The following TMEM181 variants were observed in gnomAD, a reference collection of about 807,000 sequenced individuals.
The protein encoded by TMEM181 is G protein-coupled receptor 178.
A neutral mutation model predicts 71.9 loss-of-function variants in TMEM181; 39 were observed. The observed-to-expected ratio is 0.54, with a 90% CI of 0.42 to 0.71. The LOEUF (loss-of-function observed/expected upper bound fraction) is 0.71, where lower values mean the gene tolerates loss of function less well. Ranked by LOEUF, TMEM181 falls within the 30% of genes least tolerant of loss-of-function variation. The pLI is 0.00. For missense variants in TMEM181, 595 were observed against 583.0 expected, an observed-to-expected ratio of 1.02 and a Z score of -0.21; for synonymous variants, 245 against 228.8, an observed-to-expected ratio of 1.07 and a Z score of -0.64.
At position 158,561,750 on chromosome 6, in the gene TMEM181, C is replaced by T. The variant is rs556691516; in HGVS notation, c.8+1518C>T. On this transcript the variant is annotated intron_variant, in intron 1 of 16. Coordinates refer to ENST00000684151, the MANE Select transcript of TMEM181 (RefSeq NM_001376852.1). ...ATTTTGTGCGAGTTTGAGGCCTCCC[C>T]CTGCAGCTGTAAGCGCTTTGTGCCT... Among the ~76,000 whole-genome samples, 3 of 152,276 alleles carry T rather than the reference C, an allele frequency of 2.0e-5. No individual in the cohort carries two copies. The South Asian group carries it at 6.2e-4, about 32-fold the overall frequency.
chr6:158,569,870 C>T (rs949396334), intron 1 of TMEM181, among the ~76,000 whole-genome samples: 1 of 152,050 alleles, frequency 6.6e-6, no homozygotes, highest in African/African-American at 2.4e-5. Flanking sequence ...CATGCCCTTT[C>T]TGGGATTGCA....
chr6:158,607,246 C>G lies in TMEM181; in HGVS notation c.576C>G (p.Cys192Trp), dbSNP rs1785003942. Residue 192 changes from cysteine (C) to tryptophan (W), a missense_variant and splice_region_variant, in exon 8 of 17, where the codon TGC (cysteine) becomes TGG (tryptophan). Coordinates refer to ENST00000684151, the MANE Select transcript of TMEM181 (RefSeq NM_001376852.1). The stretch of plus-strand genomic sequence containing the variant: ...TGGAGGCCTGATTTGGTTTGCAGTG[C>G]CTGTTTGCGCATTCCCTCCGGAAAT... ...FFVVLTFIVT[C>W]LFAHSLRKFS... 5 of 1,613,874 alleles carry G rather than the reference C, an allele frequency of 3.1e-6. No individual in the cohort carries two copies. Among genetic ancestry groups the G allele is most frequent in the Non-Finnish European group, 3.4e-6 (4 of 1,179,806 alleles).
At chr6:158,569,323 G>A (rs1392230379) in intron 1 of TMEM181, among the ~76,000 whole-genome samples, 2 of 152,224 alleles carry the variant, frequency 1.3e-5, no homozygotes, top group African/African-American at 4.8e-5. Flanking sequence ...AATGAAGACA[G>A]CGGAAGCCAG....
chr6:158,619,208 C>A (rs1785803663), intron 10 of TMEM181, among the ~76,000 whole-genome samples: 1 of 152,140 alleles, frequency 6.6e-6, no homozygotes, highest in African/African-American at 2.4e-5. Flanking sequence ...ACTCTTTTTT[C>A]TCTGAACTTC....
chr6:158,560,105 C>T lies in TMEM181; in HGVS notation c.-120C>T, dbSNP rs1782067070. 1.0e-6 allele frequency: 1 copy of T among 985,022 alleles called. No individual in the cohort carries two copies. The highest frequency in any genetic ancestry group is 1.2e-6 in the Non-Finnish European group (1 of 829,782). 61.0% of individuals were successfully genotyped at this position (985,022 alleles called of 1,614,324 possible). The stretch of plus-strand genomic sequence containing the variant: ...CGCGCTCTGATGAGTTTTCCGCGGC[C>T]GGCCGCTGCTCAGCCGCTGTCGCTC... On this transcript the variant is annotated 5_prime_UTR_variant, in exon 1 of 17. Coordinates refer to ENST00000684151, the MANE Select transcript of TMEM181 (RefSeq NM_001376852.1).
Position 158,635,330 on chromosome 6 carries a change from A to G in TMEM181, c.*3442A>G, listed in dbSNP as rs1786898328. On this transcript the variant is annotated 3_prime_UTR_variant, in exon 17 of 17. Coordinates refer to ENST00000684151, the MANE Select transcript of TMEM181 (RefSeq NM_001376852.1). ...ACCCCATCACAGTGTTGCTGTCATC[A>G]GGCAAAAGTGAATGTTTGTTTATGG... The G allele has an allele frequency of 6.6e-6, 1 of 152,248 alleles. No individual in the cohort carries two copies. 9.4% of individuals were successfully genotyped at this position (152,248 alleles called of 1,614,324 possible). A position where few individuals can be genotyped will look rare whatever the true frequency, so the allele number is the denominator to read the frequency against.
At chr6:158,545,299 G>A (rs912931832) in intron 1 of TMEM181, among the ~76,000 whole-genome samples, 1 of 152,254 alleles carries the variant, frequency 6.6e-6, no homozygotes, top group Non-Finnish European at 1.5e-5. Flanking sequence ...GGATTTATTT[G>A]CGACCCTGGG....
chr6:158,610,321 T>C, intron 10 of TMEM181: 2 of 292,558 alleles, frequency 6.8e-6, no homozygotes, highest in Non-Finnish European at 1.4e-5. Flanking sequence ...CCAGACCAGA[T>C]TCTCTTTCAA....
rs780073607 is a variant in TMEM181 at position 158,584,015 on chromosome 6, CAT to C, written c.231_232del (p.Val79CysfsTer2). ...ACATACAATCAGCAACTATGGCTGACATGTGTTGTTGAGTTGGATCAATCAAA... is the reference window on the plus strand; with the variant it reads ...ACATACAATCAGCAACTATGGCTGACGTGTTGTTGAGTTGGATCAATCAAA... On this transcript the variant is annotated frameshift_variant, in exon 4 of 17. Transcript: ENST00000684151. LOFTEE classifies it high-confidence loss of function. 1.4e-5 allele frequency: 23 copies of C among 1,611,890 alleles called. No homozygotes were observed. Among genetic ancestry groups the C allele is most frequent in the Middle Eastern group, 1.6e-4 (1 of 6,070 alleles).
At chr6:158,548,687 G>C (rs1426618519) in intron 1 of TMEM181, among the ~76,000 whole-genome samples, 2 of 152,190 alleles carry the variant, frequency 1.3e-5, no homozygotes, top group East Asian at 3.8e-4. Context: ...AGCAAGCCCA[G>C]GGCAGTCATT....
At chr6:158,575,519 T>C (rs982074181) in intron 2 of TMEM181, among the ~76,000 whole-genome samples, 5 of 152,324 alleles carry the variant, frequency 3.3e-5, no homozygotes, top group Admixed American at 2.6e-4. Context: ...GGTTTCACCA[T>C]GTTGGCCAGG....
chr6:158,610,826 A>C (rs1023367093), intron 10 of TMEM181: 1 of 320,184 alleles, frequency 3.1e-6, no homozygotes, highest in Non-Finnish European at 6.0e-6. Flanking sequence ...CTGCTGGTGC[A>C]CTAGCTGACA....
In TMEM181 at chr6:158,607,333, A is replaced by C; in HGVS notation, c.663A>C (p.Leu221=). The change falls in exon 8 of 17, where the codon CTA becomes CTC. Residue 221 remains leucine (L), a synonymous_variant. Coordinates refer to ENST00000684151, the MANE Select transcript of TMEM181 (RefSeq NM_001376852.1). The part of the protein sequence containing the change: ...KWMSVLLPLL[L]LYNDPFFPLS... ...TGTCTGTTCTCCTGCCTCTGCTGCT[A>C]CTTTACAATGGTGGGTAGTTCCATT... 1 of 1,613,964 alleles carries C rather than the reference A, an allele frequency of 6.2e-7. No homozygotes were observed.
intron 1 of TMEM181, among the ~76,000 whole-genome samples, chr6:158,571,674 A>C (rs1782857074): frequency 6.6e-6 from 1 of 152,230 alleles, no homozygotes; most frequent in Non-Finnish European, 1.5e-5. Context: ...TTAACTGCGG[A>C]AGGTCAGAGG....
rs1014478723 is a variant in TMEM181, at chr6:158,560,200, G to A, written c.-25G>A. The A allele has an allele frequency of 1.1e-4, 109 of 984,784 alleles. No homozygotes were observed. Among genetic ancestry groups the A allele is most frequent in the Non-Finnish European group, 1.2e-4 (102 of 829,744 alleles). The allele number at this position is 984,784 out of a possible 1,614,324, so 61.0% of individuals were successfully genotyped here. ...CTGGCGGGCTCGGGACGCGCGGGCC[G>A]GGGCCGAGGGCTCTGGGCGCCGAGA... On this transcript the variant is annotated 5_prime_UTR_variant, in exon 1 of 17. Transcript: ENST00000684151.
chr6:158,561,621 G>T (rs1245018455), intron 1 of TMEM181, among the ~76,000 whole-genome samples: 1 of 152,200 alleles, frequency 6.6e-6, no homozygotes, highest in African/African-American at 2.4e-5. Flanking sequence ...CAGGGATCTG[G>T]GTCTTCTGCC....
intron 1 of TMEM181, among the ~76,000 whole-genome samples, chr6:158,568,828 CAA>C (rs558323256): frequency 1.3e-5 from 2 of 152,144 alleles, no homozygotes; most frequent in Non-Finnish European, 2.9e-5. Flanking sequence ...TTAGTTCTGG[CAA>C]AGACACCTCC....
intron 1 of TMEM181, among the ~76,000 whole-genome samples, chr6:158,565,074 C>G (rs1157042789): frequency 6.6e-6 from 1 of 152,208 alleles, no homozygotes; most frequent in Non-Finnish European, 1.5e-5. Context: ...GCTGGTGTTG[C>G]TGGGTTCTGT....
At chr6:158,582,217 C>G (rs1783521973) in intron 3 of TMEM181, among the ~76,000 whole-genome samples, 1 of 152,162 alleles carries the variant, frequency 6.6e-6, no homozygotes, top group South Asian at 2.1e-4. Flanking sequence ...CCGCCGTGGG[C>G]TTTCCTGATA....
Sources: allele counts gnomAD v4.1 joint callset (sites outside exome capture counted in the v4.1 genomes callset), GRCh38; gene constraint gnomAD v4.1.1; transcripts MANE v1.5; gene names NCBI Gene and HGNC (gene_info 2026-07-23, HGNC 2026-07-21).